MUC17: variants seen among roughly 807,000 people sequenced by gnomAD.
MUC17 encodes the protein mucin 17, cell surface associated.
A neutral mutation model predicts 170.3 loss-of-function variants in MUC17; 190 were observed. The observed-to-expected ratio is 1.12, with a 90% confidence interval of 0.99 to 1.26. MUC17 has a LOEUF of 1.26. MUC17 is among the 50% of genes most tolerant of loss of function. The probability of loss-of-function intolerance (pLI) is 0.00; values close to 1 mark genes in which losing one functional copy is unlikely to be tolerated. For missense variants in MUC17, 6,415 were observed against 5,530.0 expected (o/e 1.16, Z -5.08); for synonymous variants, 2,325 against 2,002.5 (o/e 1.16, Z -4.30).
chr7:101,026,984 G>A (rs1173060610), intron 1 of MUC17, among the ~76,000 whole-genome samples: 1 of 152,046 alleles, frequency 6.6e-6, no homozygotes, highest in African/African-American at 2.4e-5. Flanking sequence ...CCAAAGTGCT[G>A]GGATTACAGG....
chr7:101,047,480 TGA>T (rs1170815425), intron 3 of MUC17, among the ~76,000 whole-genome samples: 1 of 152,082 alleles, frequency 6.6e-6, no homozygotes, highest in African/African-American at 2.4e-5. Flanking sequence ...ATCTGTGAAG[TGA>T]GGATAATAGT....
rs1794601816 is a variant in MUC17 at position 101,039,234 on chromosome 7, C to T, written c.7818C>T (p.Thr2606=). 2 of 1,613,636 alleles carry T rather than the reference C, an allele frequency of 1.2e-6. No individual in the cohort carries two copies. The highest frequency in any genetic ancestry group is 8.5e-7 in the Non-Finnish European group (1 of 1,179,822). ...CTGTTGACACCAGCATACCTGTCACCACTTCTACTGAAACCAGTTCATCTC... is the reference window on the plus strand; with the variant it reads ...CTGTTGACACCAGCATACCTGTCACTACTTCTACTGAAACCAGTTCATCTC... ...TTPVDTSIPV[T]TSTETSSSPT... is the part of the protein sequence containing the mutation. The change falls in exon 3 of 13, where the codon ACC becomes ACT. Residue 2606 remains threonine (T), a synonymous_variant. Coordinates refer to ENST00000306151, the MANE Select transcript of MUC17 (RefSeq NM_001040105.2).
chr7:101,056,381 T>C, intron 12 of MUC17, 111 bp downstream of exon 12: 1 of 1,490,668 alleles, frequency 6.7e-7, no homozygotes, highest in South Asian at 1.3e-5. Flanking sequence ...TACAGTTTAT[T>C]GGTCCAGGTG....
rs578015078 is a variant in MUC17, at chr7:101,047,978, C to T, written c.12404-6C>T. The T allele has an allele frequency of 1.3e-6, 2 of 1,583,200 alleles. No individual in the cohort carries two copies. The highest frequency in any genetic ancestry group is 1.2e-5 in the South Asian group (1 of 85,790). ...TGGAAAGAAAACTTCTGTGATTGTT[C>T]CACAGGCTTTGGAGATGGGTGCCAG... On this transcript the variant is annotated splice_region_variant and splice_polypyrimidine_tract_variant and intron_variant, in intron 3 of 12. Transcript: ENST00000306151.
At position 101,032,696 on chromosome 7, in the gene MUC17, C is replaced by T. The variant is rs775022503; in HGVS notation, c.1280C>T (p.Ala427Val). The stretch of plus-strand genomic sequence containing the variant: ...GACTCCAAAACTTTTGTGACCACTG[C>T]TAGTGAAGCCAGCTCATCTCCCACA... The part of the protein sequence containing the change: ...PVDSKTFVTT[A>V]SEASSSPTTA... Residue 427 changes from alanine (A) to valine (V), a missense_variant, in exon 3 of 13, where the codon GCT becomes GTT. Ala to Val is a moderately conservative substitution (Grantham distance 64). Transcript: ENST00000306151. 1.9e-6 allele frequency: 3 copies of T among 1,576,908 alleles called. No individual in the cohort carries two copies. The highest frequency in any genetic ancestry group is 2.6e-6 in the Non-Finnish European group (3 of 1,154,562).
intron 1 of MUC17, among the ~76,000 whole-genome samples, chr7:101,023,971 C>T (rs540702128): frequency 1.3e-5 from 2 of 152,060 alleles, no homozygotes; most frequent in South Asian, 4.1e-4. Context: ...CAATTTGCAT[C>T]TCCCTGATGA....
chr7:101,049,258 T>A, intron 5 of MUC17, 66 bp from the exon 6 acceptor site: 1 of 1,608,514 alleles, frequency 6.2e-7, no homozygotes, highest in Non-Finnish European at 8.5e-7. Flanking sequence ...TCCTGTGACC[T>A]CCTGATGTCC....
chr7:101,025,436 G>A (rs2116390952), intron 1 of MUC17, among the ~76,000 whole-genome samples: 1 of 152,112 alleles, frequency 6.6e-6, no homozygotes, highest in East Asian at 1.9e-4. Flanking sequence ...GCCAAGGCAG[G>A]CGGATCACTT....
At chr7:101,049,013 C>T (rs1048337762) in intron 5 of MUC17, 41 bp downstream of exon 5, 1 of 1,613,316 alleles carries the variant, frequency 6.2e-7, no homozygotes, top group Non-Finnish European at 8.5e-7. Context: ...ACTCAGTTCC[C>T]CCCAGAGCAG....
chr7:101,042,391 C>T lies in MUC17; in HGVS notation c.10975C>T (p.Pro3659Ser), dbSNP rs759475798. The T allele has an allele frequency of 6.2e-7, 1 of 1,613,800 alleles. No individual in the cohort carries two copies. Among genetic ancestry groups the T allele is most frequent in the East Asian group, 2.2e-5 (1 of 44,882 alleles). The change falls in exon 3 of 13, where the codon CCT becomes TCT. Residue 3659 changes from proline to serine, a missense_variant. By Grantham distance (74) the Pro-to-Ser change is moderately conservative. Coordinates refer to ENST00000306151, the MANE Select transcript of MUC17 (RefSeq NM_001040105.2). ...TGAGGCTGGCACAGCTTCAACACTT[C>T]CTGTTGACACCAGCACACCTGTGAT... ...ISEAGTASTL[P>S]VDTSTPVITS...
chr7:101,040,108 A>T lies in MUC17; in HGVS notation c.8692A>T (p.Ile2898Leu). ...TTCAACAACTCCTGTTGATACCAGC[A>T]TACCTGTCACCACTTCTACTGAAGG... is the stretch of plus-strand genomic sequence containing the variant. ...TLSTTPVDTS[I>L]PVTTSTEGSS... Residue 2898 changes from isoleucine (I) to leucine (L), a missense_variant, in exon 3 of 13, where the codon ATA (isoleucine) becomes TTA (leucine). Coordinates refer to ENST00000306151, the MANE Select transcript of MUC17 (RefSeq NM_001040105.2). 1 of 1,612,740 alleles carries T rather than the reference A, an allele frequency of 6.2e-7. No individual in the cohort carries two copies. The highest frequency in any genetic ancestry group is 8.5e-7 in the Non-Finnish European group (1 of 1,179,484).
Position 101,034,374 on chromosome 7 carries a change from A to C in MUC17, c.2958A>C (p.Thr986=). The C allele has an allele frequency of 6.2e-7, 1 of 1,608,626 alleles. No homozygotes were observed. Among genetic ancestry groups the C allele is most frequent in the Non-Finnish European group, 8.5e-7 (1 of 1,177,566 alleles). Residue 986 remains threonine, a synonymous_variant, in exon 3 of 13, where the codon ACA becomes ACC. Transcript: ENST00000306151. ...CTAGTGAAGGAACGACTCCATTAAC[A>C]AGCACACCTGTCAGCCACACGCTGG... ...STPSEGTTPL[T]STPVSHTLVA...
intron 1 of MUC17, among the ~76,000 whole-genome samples, chr7:101,022,270 A>G (rs956152213): frequency 1.3e-5 from 2 of 150,718 alleles, no homozygotes; most frequent in Non-Finnish European, 2.9e-5. Flanking sequence ...AGGTTCAAGC[A>G]ATTCTCCTGC....
intron 9 of MUC17, 38 bp downstream of exon 9, chr7:101,052,000 G>C (rs371813677): frequency 1.3e-6 from 2 of 1,586,684 alleles, no homozygotes; most frequent in East Asian, 4.5e-5. Context: ...CAGCCCAGAC[G>C]TCCTGGTCCT....
chr7:101,040,859 C>T lies in MUC17; in HGVS notation c.9443C>T (p.Thr3148Ile), dbSNP rs1158755530. 8.1e-6 allele frequency: 13 copies of T among 1,613,780 alleles called. 1 individual carries two copies. The highest frequency in any genetic ancestry group is 9.3e-6 in the Non-Finnish European group (11 of 1,179,932). ...TSTEAHSSPTTSEGTSMPTST... is the reference protein window; with the variant it reads ...TSTEAHSSPTISEGTSMPTST... ...ACTGAAGCCCATTCATCTCCTACAA[C>T]TTCTGAAGGTACCAGCATGCCAACC... The change falls in exon 3 of 13, where the codon ACT becomes ATT. Residue 3148 changes from threonine (T) to isoleucine (I), a missense_variant. By Grantham distance (89) the Thr-to-Ile change is moderately conservative. Transcript: ENST00000306151.
intron 7 of MUC17, among the ~76,000 whole-genome samples, chr7:101,050,976 C>A (rs112091265): frequency 4.1e-4 from 62 of 152,122 alleles, no homozygotes; most frequent in African/African-American, 1.3e-3. Context: ...CCAGGACTAA[C>A]GGCTATAGGA....
chr7:101,051,761 C>T (rs1275690749), intron 8 of MUC17, 42 bp from the exon 9 acceptor site: 3 of 1,606,454 alleles, frequency 1.9e-6, no homozygotes, highest in Non-Finnish European at 2.6e-6. Context: ...TCCCCCCAGC[C>T]CTCTGATCAC....
At position 101,033,547 on chromosome 7, in the gene MUC17, A is replaced by T; in HGVS notation, c.2131A>T (p.Thr711Ser). 3 of 1,613,822 alleles carry T rather than the reference A, an allele frequency of 1.9e-6. No individual in the cohort carries two copies. Among genetic ancestry groups the T allele is most frequent in the Non-Finnish European group, 2.5e-6 (3 of 1,179,938 alleles). Reference protein sequence around the residue: ...ASSEASTLSTTPVDTSTPVTT... With the variant: ...ASSEASTLSTSPVDTSTPVTT... ...TTCTGAGGCTAGCACCCTTTCAACA[A>T]CTCCTGTTGACACCAGCACACCTGT... The change falls in exon 3 of 13, where the codon ACT (threonine) becomes TCT (serine). Residue 711 changes from threonine (T) to serine (S), a missense_variant. By Grantham distance (58) the Thr-to-Ser change is moderately conservative (BLOSUM62 1). Coordinates refer to ENST00000306151, the MANE Select transcript of MUC17 (RefSeq NM_001040105.2).
rs774818224 is a variant in MUC17, at chr7:101,034,066, AC to A, written c.2653del (p.Leu885PhefsTer12). Reference sequence around the variant, plus strand: ...ACTGGTGGCCACTTCTGCAATCAGCACCCTTTCAACAACTCCTGTTGACACC... The same window carrying A: ...ACTGGTGGCCACTTCTGCAATCAGCACCTTTCAACAACTCCTGTTGACACC... The part of the protein sequence containing the change: ...TTLVATSAIS[T>X]LSTTPVDTST... On this transcript the variant is annotated frameshift_variant, in exon 3 of 13. Coordinates refer to ENST00000306151, the MANE Select transcript of MUC17 (RefSeq NM_001040105.2). LOFTEE classifies it high-confidence loss of function. The A allele has an allele frequency of 6.2e-7, 1 of 1,607,434 alleles. No homozygotes were observed. The highest frequency in any genetic ancestry group is 8.5e-7 in the Non-Finnish European group (1 of 1,177,274).
Sources: allele counts gnomAD v4.1 joint callset (sites outside exome capture counted in the v4.1 genomes callset), GRCh38; gene constraint gnomAD v4.1.1; transcripts MANE v1.5; gene names NCBI Gene and HGNC (gene_info 2026-07-23, HGNC 2026-07-21).